SHOC2: variants seen among roughly 807,000 people sequenced by gnomAD.
The protein encoded by SHOC2 is SHOC2 leucine rich repeat scaffold protein.
A neutral mutation model predicts 50.2 loss-of-function variants in SHOC2; 4 were observed. The observed-to-expected ratio is 0.08, with a 90% CI of 0.04 to 0.18. The LOEUF (loss-of-function observed/expected upper bound fraction) is 0.18. Among genes scored for constraint, SHOC2 ranks in the 10% least tolerant of loss-of-function variants. SHOC2 has a pLI of 1.00. For synonymous variants in SHOC2, 218 were observed against 244.5 expected (o/e 0.89, Z 1.01); for missense variants, 388 against 669.6 (o/e 0.58, Z 4.64).
intron 8 of SHOC2, 104 bp downstream of exon 8, chr10:111,009,934 G>T (rs771963945): frequency 1.2e-5 from 9 of 746,592 alleles, no homozygotes; most frequent in African/African-American, 7.0e-5. Context: ...TTAAACTGAG[G>T]TTATATCAGG....
chr10:110,963,666 C>G (rs1466241531), intron 1 of SHOC2, among the ~76,000 whole-genome samples: 1 of 152,146 alleles, frequency 6.6e-6, no homozygotes, highest in Non-Finnish European at 1.5e-5. Context: ...GGAATATTGG[C>G]TCCATCATGT....
intron 1 of SHOC2, chr10:110,936,728 C>G (rs575650254): frequency 1.1e-6 from 1 of 930,094 alleles, no homozygotes; most frequent in East Asian, 2.5e-5. Flanking sequence ...TTTCTTCTTC[C>G]GGTAGTGGAT....
At chr10:110,942,148 C>T (rs1335411758) in intron 1 of SHOC2, among the ~76,000 whole-genome samples, 12 of 152,216 alleles carry the variant, frequency 7.9e-5, no homozygotes, top group Non-Finnish European at 1.2e-4. Context: ...CTTTGAGTTA[C>T]GCAGATTTTC....
At chr10:110,950,203 A>G (rs1036688283) in intron 1 of SHOC2, among the ~76,000 whole-genome samples, 6 of 152,198 alleles carry the variant, frequency 3.9e-5, no homozygotes, top group African/African-American at 1.4e-4. Flanking sequence ...TAAAGTTGCA[A>G]AATATAAAAT....
chr10:110,953,725 C>T (rs1252954417), intron 1 of SHOC2, among the ~76,000 whole-genome samples: 1 of 151,188 alleles, frequency 6.6e-6, no homozygotes, highest in Non-Finnish European at 1.5e-5. Flanking sequence ...CACACACACA[C>T]ACGTGTATAT....
chr10:110,989,032 A>C (rs749419510), intron 3 of SHOC2: 9 of 504,530 alleles, frequency 1.8e-5, no homozygotes, highest in South Asian at 1.3e-4. Flanking sequence ...TTTTGTTCCC[A>C]AAAGCTTGAC....
chr10:110,941,075 G>A (rs1046380342), intron 1 of SHOC2, among the ~76,000 whole-genome samples: 1 of 151,572 alleles, frequency 6.6e-6, no homozygotes, highest in Non-Finnish European at 1.5e-5. Flanking sequence ...GAGACAACAG[G>A]TACATGCCAC....
Position 110,964,355 on chromosome 10 carries a change from C to A in SHOC2, c.-4C>A. ...ATGTAGTTTTTGTCCAGGCTTGAGT[C>A]ACCATGAGTAGTAGTTTAGGAAAAG... On this transcript the variant is annotated 5_prime_UTR_variant, in exon 2 of 9. Transcript: ENST00000369452. This position sits in a 1 kb window ranked among gnomAD's most constrained non-coding sequence, Gnocchi z 4.9. 1.2e-6 allele frequency: 2 copies of A among 1,612,640 alleles called. No individual in the cohort carries two copies. The highest frequency in any genetic ancestry group is 2.2e-5 in the South Asian group (2 of 90,868).
chr10:110,975,730 C>T (rs919029655), intron 2 of SHOC2, among the ~76,000 whole-genome samples: 8 of 152,092 alleles, frequency 5.3e-5, no homozygotes, highest in Admixed American at 1.3e-4. Context: ...ATTTTGACCT[C>T]GACCAGTTGG....
At position 110,920,192 on chromosome 10, in the gene SHOC2, C is replaced by A. The variant is rs143602287; in HGVS notation, c.-235+535C>A. ...CTCCCTGGAGTCCACCTTGCTCTCC[C>A]GTTCTCCTCTCCCTAAAAACCCTTG... On this transcript the variant is annotated intron_variant, in intron 1 of 8. Transcript: ENST00000369452. The A allele has an allele frequency of 8.7e-3, 1,325 of 152,618 alleles. 8 individuals are homozygous for A. The highest frequency in any genetic ancestry group is 0.015 in the Non-Finnish European group (1,054 of 68,324). 9.5% of individuals were successfully genotyped at this position (152,618 alleles called of 1,614,324 possible).
At chr10:110,933,501 A>G (rs1846935253) in intron 1 of SHOC2, among the ~76,000 whole-genome samples, 1 of 152,232 alleles carries the variant, frequency 6.6e-6, no homozygotes, top group Admixed American at 6.5e-5. Context: ...TAGGACTAGG[A>G]TACTAAACTT....
chr10:110,923,128 A>T (rs1276458458), intron 1 of SHOC2, among the ~76,000 whole-genome samples: 1 of 151,998 alleles, frequency 6.6e-6, no homozygotes, highest in Non-Finnish European at 1.5e-5. Flanking sequence ...TACTTGTTAC[A>T]CTGCATCAAA....
chr10:110,997,900 C>A (rs1168913335), intron 3 of SHOC2, among the ~76,000 whole-genome samples: 1 of 151,622 alleles, frequency 6.6e-6, no homozygotes, highest in African/African-American at 2.4e-5. Context: ...TTAGATTGTC[C>A]CTATTTTTGC....
chr10:110,938,118 A>G (rs1847064576), intron 1 of SHOC2, among the ~76,000 whole-genome samples: 1 of 152,148 alleles, frequency 6.6e-6, no homozygotes, highest in South Asian at 2.1e-4. Flanking sequence ...GTGTCCATTT[A>G]TTTTCCTCAC....
intron 1 of SHOC2, among the ~76,000 whole-genome samples, chr10:110,932,796 G>GT (rs1846920063): frequency 6.6e-6 from 1 of 152,074 alleles, no homozygotes; most frequent in Non-Finnish European, 1.5e-5. Flanking sequence ...GTGCTTTATT[G>GT]TTATTGCATG....
intron 8 of SHOC2, among the ~76,000 whole-genome samples, chr10:111,010,188 G>A (rs1848541077): frequency 6.6e-6 from 1 of 152,008 alleles, no homozygotes; most frequent in South Asian, 2.1e-4. Flanking sequence ...ACATTTATGA[G>A]ATTTTAGAAT....
At chr10:110,945,931 G>C (rs903613507) in intron 1 of SHOC2, among the ~76,000 whole-genome samples, 1 of 152,076 alleles carries the variant, frequency 6.6e-6, no homozygotes, top group Non-Finnish European at 1.5e-5. Flanking sequence ...CTTCCTATGA[G>C]CATACCCACC....
chr10:110,997,414 C>T (rs943157947), intron 3 of SHOC2, among the ~76,000 whole-genome samples: 31 of 152,114 alleles, frequency 2.0e-4, no homozygotes, highest in Non-Finnish European at 1.8e-4. Context: ...AATTGTTCTT[C>T]CATAATTCTG....
At chr10:110,947,951 A>C (rs1847279108) in intron 1 of SHOC2, among the ~76,000 whole-genome samples, 1 of 152,154 alleles carries the variant, frequency 6.6e-6, no homozygotes, top group Admixed American at 6.5e-5. Flanking sequence ...ATATTTTTCA[A>C]AAGATCCTAC....
Sources: gnomAD v4.1 joint callset for allele counts (sites outside exome capture counted in the v4.1 genomes callset) on GRCh38, gnomAD v4.1.1 for gene constraint, Gnocchi (gnomAD v3.1) non-coding constraint, MANE v1.5 for transcripts, NCBI Gene and HGNC (gene_info 2026-07-23, HGNC 2026-07-21) for gene names.